LRIF1: variants seen among roughly 807,000 people sequenced by gnomAD.
LRIF1 encodes the protein ligand-dependent nuclear receptor-interacting factor 1.
A neutral mutation model predicts 52.7 loss-of-function variants in LRIF1; 32 were observed. The observed-to-expected ratio is 0.61, with a 90% CI of 0.46 to 0.82. The LOEUF (loss-of-function observed/expected upper bound fraction) is 0.82. LRIF1 is among the 40% of genes least tolerant of loss of function. LRIF1 has a pLI of 0.00. For synonymous variants in LRIF1, 323 were observed against 317.4 expected (o/e 1.02, Z -0.19); for missense variants, 887 against 892.0 (o/e 0.99, Z 0.07).
chr1:110,963,084 C>G (rs1488996045), intron 1 of LRIF1, among the ~76,000 whole-genome samples: 2 of 152,206 alleles, frequency 1.3e-5, no homozygotes, highest in African/African-American at 2.4e-5. Flanking sequence ...TGACTTTACA[C>G]GAGGATTTCT....
At chr1:110,957,922 CATT>C (rs1348458044) in intron 1 of LRIF1, among the ~76,000 whole-genome samples, 4 of 152,204 alleles carry the variant, frequency 2.6e-5, no homozygotes, top group East Asian at 1.9e-4. Context: ...CTTTCTTCAT[CATT>C]GTGACTTCCA....
Position 110,957,149 on chromosome 1 carries a change from C to T in LRIF1, c.69-4334G>A, listed in dbSNP as rs182084638. 1.3e-3 allele frequency among the ~76,000 whole-genome samples: 199 copies of T among 152,120 alleles called. 1 individual carries two copies. Among genetic ancestry groups the T allele is most frequent in the African/African-American group, 4.6e-3 (190 of 41,484 alleles). ...TTGACCCTGTTTTTCTCCTTCAAGA[C>T]ATTCTTCCTTAAAGACTGCAACAAT... is the stretch of plus-strand genomic sequence containing the variant. On this transcript the variant is annotated intron_variant, in intron 1 of 3. Coordinates refer to ENST00000369763, the MANE Select transcript of LRIF1 (RefSeq NM_018372.4).
chr1:110,941,042 T>G, the LRIF1 span: 1 of 152,110 alleles, frequency 6.6e-6, no homozygotes, highest in Non-Finnish European at 1.5e-5. Context: ...TTCTTCATGA[T>G]GTGATTATTT....
the LRIF1 span, chr1:110,941,618 T>A: frequency 2.6e-5 from 4 of 152,142 alleles, no homozygotes; most frequent in African/African-American, 9.6e-5. Flanking sequence ...TCTTCCTCAC[T>A]TGCTTAACTG....
At chr1:110,933,636 C>A in the LRIF1 span, among the ~76,000 whole-genome samples, 1 of 152,304 alleles carries the variant, frequency 6.6e-6, no homozygotes, top group South Asian at 2.1e-4. Context: ...GGAGGGAGAA[C>A]TTAAACCAGC....
In LRIF1 at chr1:110,952,506, TC is replaced by T; in HGVS notation, c.377del (p.Gly126GlufsTer15). ...EKGRVTSVGT[G>X]NFSSSVSKVQ... is the part of the protein sequence containing the mutation. ...CTTTAGAAACTGATGAAGAAAAATT[TC>T]CAGTTCCCACAGAAGTAACTCTACC... On this transcript the variant is annotated frameshift_variant, in exon 2 of 4. Transcript: ENST00000369763. LOFTEE classifies it high-confidence loss of function. 2 of 1,613,478 alleles carry T rather than the reference TC, an allele frequency of 1.2e-6. No homozygotes were observed. The highest frequency in any genetic ancestry group is 1.7e-6 in the Non-Finnish European group (2 of 1,179,446).
chr1:110,930,692 G>A, the LRIF1 span, among the ~76,000 whole-genome samples: 3 of 152,016 alleles, frequency 2.0e-5, no homozygotes, highest in African/African-American at 4.8e-5. Flanking sequence ...GAATTTTAGG[G>A]GGGACAAAAA....
intron 1 of LRIF1, among the ~76,000 whole-genome samples, chr1:110,956,956 T>C (rs551579799): frequency 3.9e-5 from 6 of 152,208 alleles, no homozygotes; most frequent in Middle Eastern, 3.4e-3. Flanking sequence ...TTTGTCTTTA[T>C]CTTCATTCCC....
At chr1:110,905,852 AGATAT>A in the LRIF1 span, among the ~76,000 whole-genome samples, 2 of 152,236 alleles carry the variant, frequency 1.3e-5, no homozygotes, top group Non-Finnish European at 2.9e-5. Context: ...CAGTACAATA[AGATAT>A]AAGTAAAAAC....
the LRIF1 span, among the ~76,000 whole-genome samples, chr1:110,916,918 C>T: frequency 2.0e-5 from 3 of 152,204 alleles, no homozygotes; most frequent in Non-Finnish European, 4.4e-5. Flanking sequence ...TCCAACTTGT[C>T]TAAACTAAAT....
downstream of LRIF1, chr1:110,944,896 G>GTT (rs59306126): frequency 0.21 from 29,383 of 138,586 alleles, 3,367 homozygotes; most frequent in East Asian, 0.34. Context: ...CAAGGTTGCT[G>GTT]TTTTTTTTTT....
chr1:110,931,125 C>A, the LRIF1 span, among the ~76,000 whole-genome samples: 2 of 152,088 alleles, frequency 1.3e-5, no homozygotes, highest in Non-Finnish European at 2.9e-5. Context: ...CTAATGCTAT[C>A]CCTACCCCAG....
At chr1:110,959,438 A>G (rs1658855532) in intron 1 of LRIF1, among the ~76,000 whole-genome samples, 1 of 152,142 alleles carries the variant, frequency 6.6e-6, no homozygotes. Flanking sequence ...ATAAGGTAAG[A>G]TAAGGTCTTT....
chr1:110,954,172 G>A (rs540953194), intron 1 of LRIF1, among the ~76,000 whole-genome samples: 8 of 152,224 alleles, frequency 5.3e-5, no homozygotes, highest in East Asian at 1.9e-4. Context: ...CTATGTATCC[G>A]TAGAAATTTG....
chr1:110,896,251 T>C, the LRIF1 span, among the ~76,000 whole-genome samples: 1 of 152,206 alleles, frequency 6.6e-6, no homozygotes, highest in Admixed American at 6.5e-5. Context: ...ATGTGGTTTT[T>C]GTTTTGTGGT....
the LRIF1 span, among the ~76,000 whole-genome samples, chr1:110,886,871 T>TTTTC: frequency 1.3e-5 from 1 of 76,052 alleles, no homozygotes; most frequent in South Asian, 4.1e-4. Context: ...ATATATATAT[T>TTTTC]TTTTTTTTCT....
intron 1 of LRIF1, among the ~76,000 whole-genome samples, chr1:110,958,689 T>C (rs1182778829): frequency 6.6e-6 from 1 of 152,146 alleles, no homozygotes; most frequent in Non-Finnish European, 1.5e-5. Flanking sequence ...GAAGAAAAAT[T>C]AAGCTTCTTC....
chr1:110,929,053 C>A, the LRIF1 span, among the ~76,000 whole-genome samples: 3 of 152,078 alleles, frequency 2.0e-5, no homozygotes, highest in Non-Finnish European at 4.4e-5. Flanking sequence ...TCCTTATATC[C>A]CTCACTGTAC....
the LRIF1 span, among the ~76,000 whole-genome samples, chr1:110,921,051 T>C: frequency 6.6e-6 from 1 of 152,170 alleles, no homozygotes; most frequent in Non-Finnish European, 1.5e-5. Context: ...CAAATGAACA[T>C]GACTTTCCAA....
Sources: allele counts gnomAD v4.1 joint callset (sites outside exome capture counted in the v4.1 genomes callset), GRCh38; gene constraint gnomAD v4.1.1; transcripts MANE v1.5; gene names NCBI Gene and HGNC (gene_info 2026-07-23, HGNC 2026-07-21).